EXOC2: variants seen among roughly 807,000 people sequenced by gnomAD.
EXOC2 encodes the protein SEC5-like 1.
EXOC2 carries 70 observed loss-of-function variants against 131.8 expected under a neutral mutation model. The observed-to-expected ratio is 0.53, with a 90% CI of 0.44 to 0.65. EXOC2 has a LOEUF of 0.65. Among genes scored for constraint, EXOC2 ranks in the 30% least tolerant of loss-of-function variants. EXOC2 has a pLI of 0.00. For synonymous variants in EXOC2, 411 were observed against 398.4 expected, an observed-to-expected ratio of 1.03 and a Z score of -0.38; for missense variants, 923 against 1,108.6, an observed-to-expected ratio of 0.83 and a Z score of 2.38.
intron 26 of EXOC2, 88 bp from the exon 27 acceptor site, chr6:489,126 C>A: frequency 7.7e-6 from 9 of 1,174,206 alleles, no homozygotes; most frequent in South Asian, 4.8e-5. Flanking sequence ...TATTGAGAAG[C>A]CAATAAAAGC....
intron 1 of EXOC2, among the ~76,000 whole-genome samples, chr6:677,323 G>C (rs758381387): frequency 3.3e-4 from 51 of 152,244 alleles, no homozygotes; most frequent in Admixed American, 5.2e-4. Flanking sequence ...CCCTTCATTA[G>C]TGGGTTGAAG....
At position 543,451 on chromosome 6, in the gene EXOC2, G is replaced by A. The variant is rs138172215; in HGVS notation, c.2238+5724C>T. Among the ~76,000 whole-genome samples, 422 of 152,282 alleles carry A rather than the reference G, an allele frequency of 2.8e-3. 1 individual carries two copies. The highest frequency in any genetic ancestry group is 1.0e-2 in the South Asian group (48 of 4,822). On this transcript the variant is annotated intron_variant, in intron 22 of 27. Transcript: ENST00000230449. ...AGAGAGTAGAATGGTAGTTACCGGG[G>A]GCTGAGGGCAGAGTGAGGCCAGGAA...
Position 564,551 on chromosome 6 carries a change from G to C in EXOC2, c.1661C>G (p.Thr554Ser), listed in dbSNP as rs1326651602. ...AGAATGTGTCCATACTCACCTTACA[G>C]TCTGGATGGCGTGAGCGAGCCACTG... ...SGQWLAHAIQTVRLTHESLTA... is the reference protein window; with the variant it reads ...SGQWLAHAIQSVRLTHESLTA... The change falls in exon 15 of 28, where the codon ACT becomes AGT. Residue 554 changes from threonine to serine, a missense_variant. Coordinates refer to ENST00000230449, the MANE Select transcript of EXOC2 (RefSeq NM_018303.6). 4 of 1,614,026 alleles carry C rather than the reference G, an allele frequency of 2.5e-6. No homozygotes were observed. Among genetic ancestry groups the C allele is most frequent in the Non-Finnish European group, 3.4e-6 (4 of 1,180,042 alleles).
At chr6:492,700 T>TTA (rs1176714852) in intron 25 of EXOC2, among the ~76,000 whole-genome samples, 10 of 152,198 alleles carry the variant, frequency 6.6e-5, no homozygotes, top group African/African-American at 2.4e-4. Context: ...AGTAGACAAA[T>TTA]CATAGAGATA....
chr6:603,183 AC>A lies in EXOC2; in HGVS notation c.743-3959del, dbSNP rs1760197983. 2.0e-5 allele frequency among the ~76,000 whole-genome samples: 3 copies of A among 152,038 alleles called. No homozygotes were observed. The South Asian group carries it at 6.2e-4, about 32-fold the overall frequency. The stretch of plus-strand genomic sequence containing the variant: ...CAGAAGGAACGCCCCCTCACCTGCT[AC>A]CCCACCCACCACAGCACAATGTATC... On this transcript the variant is annotated intron_variant, in intron 7 of 27. Transcript: ENST00000230449.
chr6:625,972 G>C (rs1229602022), intron 4 of EXOC2, among the ~76,000 whole-genome samples: 1 of 152,172 alleles, frequency 6.6e-6, no homozygotes, highest in African/African-American at 2.4e-5. Context: ...TTAGGCAATT[G>C]AGTATTGATT....
intron 4 of EXOC2, among the ~76,000 whole-genome samples, chr6:624,882 G>A (rs1008976705): frequency 4.6e-5 from 7 of 152,142 alleles, no homozygotes; most frequent in East Asian, 1.9e-4. Flanking sequence ...GTGAAGTCCC[G>A]GCTCAGACAC....
intron 1 of EXOC2, chr6:656,839 G>T: frequency 6.2e-7 from 1 of 1,610,760 alleles, no homozygotes; most frequent in South Asian, 1.1e-5. Context: ...AGGCTGTCAG[G>T]GCGCACGCGG....
intron 3 of EXOC2, among the ~76,000 whole-genome samples, chr6:632,548 G>C (rs1364203801): frequency 6.6e-6 from 1 of 152,016 alleles, no homozygotes; most frequent in Non-Finnish European, 1.5e-5. Context: ...TGAAGGAAAA[G>C]GGAATATTAT....
chr6:542,324 G>A (rs1051697679), intron 22 of EXOC2, among the ~76,000 whole-genome samples: 3 of 152,198 alleles, frequency 2.0e-5, no homozygotes, highest in Non-Finnish European at 4.4e-5. Context: ...TAGAAAAGAA[G>A]TGCATCTCCA....
chr6:514,593 T>C (rs1028321105), intron 23 of EXOC2, among the ~76,000 whole-genome samples: 1 of 152,232 alleles, frequency 6.6e-6, no homozygotes, highest in East Asian at 1.9e-4. Flanking sequence ...TTGGAGCCCC[T>C]GGTGTGCATG....
At chr6:622,652 G>A (rs1002573873) in intron 4 of EXOC2, among the ~76,000 whole-genome samples, 1 of 152,198 alleles carries the variant, frequency 6.6e-6, no homozygotes, top group African/African-American at 2.4e-5. Flanking sequence ...CCATGGGTCT[G>A]GCAGCTACGT....
intron 24 of EXOC2, among the ~76,000 whole-genome samples, 193 bp from the exon 25 acceptor site, chr6:497,682 A>G (rs1458593237): frequency 6.6e-6 from 1 of 152,242 alleles, no homozygotes; most frequent in African/African-American, 2.4e-5. Context: ...AACAACAAAA[A>G]TTCTCTTAAA....
chr6:630,948 T>C (rs376222361), intron 3 of EXOC2, among the ~76,000 whole-genome samples: 12 of 152,312 alleles, frequency 7.9e-5, no homozygotes, highest in African/African-American at 2.6e-4. Flanking sequence ...AAAAACAGCA[T>C]CTTCCTTTAT....
At chr6:566,501 G>A (rs369233248) in intron 13 of EXOC2, among the ~76,000 whole-genome samples, 4 of 152,154 alleles carry the variant, frequency 2.6e-5, no homozygotes, top group Non-Finnish European at 4.4e-5. Context: ...CCTAACGCAC[G>A]CCCGCTCGGC....
In EXOC2 at chr6:564,639, TGAGGGGAAGCAGGGCTCCGCGG is replaced by T; in HGVS notation, c.1551_1572del (p.Arg518AlafsTer15). 6.2e-7 allele frequency: 1 copy of T among 1,612,446 alleles called. No homozygotes were observed. The highest frequency in any genetic ancestry group is 8.5e-7 in the Non-Finnish European group (1 of 1,179,300). ...TGCTTGGCTTCCCCATCCCGGATGC[TGAGGGGAAGCAGGGCTCCGCGG>T]GTAAGCTTCACCAGGGAGTGCATTA... On this transcript the variant is annotated frameshift_variant, in exon 15 of 28. Transcript: ENST00000230449. LOFTEE classifies it high-confidence loss of function.
intron 23 of EXOC2, among the ~76,000 whole-genome samples, chr6:526,350 T>C (rs745877733): frequency 1.3e-5 from 2 of 152,144 alleles, no homozygotes; most frequent in African/African-American, 4.8e-5. Flanking sequence ...CCTATTCTTA[T>C]ATTTATTGGC....
chr6:583,267 T>C (rs1759013968), intron 11 of EXOC2, among the ~76,000 whole-genome samples: 1 of 152,206 alleles, frequency 6.6e-6, no homozygotes, highest in Non-Finnish European at 1.5e-5. Context: ...ACATTCATCA[T>C]CAAAATTTTT....
intron 19 of EXOC2, 90 bp downstream of exon 19, chr6:555,864 G>T: frequency 7.8e-7 from 1 of 1,274,036 alleles, no homozygotes; most frequent in Non-Finnish European, 1.1e-6. Context: ...CCTATTTGGT[G>T]AACGTCATCT....
Sources: allele counts gnomAD v4.1 joint callset (sites outside exome capture counted in the v4.1 genomes callset), GRCh38; gene constraint gnomAD v4.1.1; transcripts MANE v1.5; gene names NCBI Gene and HGNC (gene_info 2026-07-23, HGNC 2026-07-21).